Variants in FRMD3 observed in about 807,000 individuals in gnomAD.
The protein encoded by FRMD3 is FERM domain-containing protein 3.
Under a neutral mutation model 70.2 loss-of-function variants are expected in FRMD3, and 33 were observed. That is an observed-to-expected ratio of 0.47 (90% CI 0.36 to 0.63). The LOEUF is 0.63. Among genes scored for constraint, FRMD3 ranks in the 20% least tolerant of loss-of-function variants. FRMD3 has a pLI of 0.00. For missense variants in FRMD3, 632 were observed against 711.4 expected, an observed-to-expected ratio of 0.89 and a Z score of 1.27; for synonymous variants, 279 against 255.9, an observed-to-expected ratio of 1.09 and a Z score of -0.86.
At chr9:83,284,072 T>TA (rs1563993925) in intron 13 of FRMD3, among the ~76,000 whole-genome samples, 1 of 150,250 alleles carries the variant, frequency 6.7e-6, no homozygotes, top group African/African-American at 2.4e-5. Flanking sequence ...TTTTTTTTTT[T>TA]TTTTTTTTTT....
chr9:83,477,064 T>C (rs768186510), intron 1 of FRMD3, among the ~76,000 whole-genome samples: 4 of 152,184 alleles, frequency 2.6e-5, no homozygotes, highest in Non-Finnish European at 4.4e-5. Flanking sequence ...ATCAACTCAA[T>C]GGTTATGAGT....
At chr9:83,268,689 A>G (rs965140011) in intron 13 of FRMD3, among the ~76,000 whole-genome samples, 3 of 152,252 alleles carry the variant, frequency 2.0e-5, no homozygotes, top group African/African-American at 4.8e-5. Flanking sequence ...AAGACCAGAC[A>G]GTAAATCCCA....
At chr9:83,256,157 T>C (rs1377663945) in intron 13 of FRMD3, among the ~76,000 whole-genome samples, 2 of 152,122 alleles carry the variant, frequency 1.3e-5, no homozygotes, top group African/African-American at 4.8e-5. Flanking sequence ...AGCATAGTAA[T>C]GGTATAAAAA....
chr9:83,310,398 C>T lies in FRMD3; in HGVS notation c.837+87G>A, dbSNP rs552269036. 7.1e-4 allele frequency: 741 copies of T among 1,049,240 alleles called. 3 individuals carry two copies. The highest frequency in any genetic ancestry group is 2.0e-3 in the Middle Eastern group (10 of 4,918). The allele number at this position is 1,049,240 out of a possible 1,614,324, so 65.0% of individuals were successfully genotyped here. A position where few individuals can be genotyped will look rare whatever the true frequency, so the allele number is the denominator to read the frequency against. On this transcript the variant is annotated intron_variant, in intron 9 of 13. Coordinates refer to ENST00000304195, the MANE Select transcript of FRMD3 (RefSeq NM_174938.6). ...TACACTTCAAAGTCATGGTCTTTGG[C>T]GACTACAATACTAAAGGCATATTTT...
Position 83,443,621 on chromosome 9 carries a change from A to G in FRMD3, c.148-53913T>C, listed in dbSNP as rs184246255. ...AACATACATGTGCATGTGTCTTTAT[A>G]GTAGCATGATTTATAATCCTTTGGG... On this transcript the variant is annotated intron_variant, in intron 1 of 13. Transcript: ENST00000304195. Among the ~76,000 whole-genome samples the G allele has an allele frequency of 1.3e-3, 203 of 152,320 alleles. 1 individual carries two copies. The highest frequency in any genetic ancestry group is 3.3e-3 in the Admixed American group (50 of 15,294).
chr9:83,403,076 G>GTATTTTTAGTAGAGACGGGGTTTCATCA (rs1825998463), intron 1 of FRMD3, among the ~76,000 whole-genome samples: 1 of 151,642 alleles, frequency 6.6e-6, no homozygotes, highest in South Asian at 2.1e-4. Flanking sequence ...GATAATTTTT[G>GTATTTTTAGTAGAGACGGGGTTTCATCA]TATTTTTAGT....
intron 6 of FRMD3, among the ~76,000 whole-genome samples, chr9:83,329,829 T>C (rs1471382918): frequency 1.3e-5 from 2 of 152,196 alleles, no homozygotes; most frequent in African/African-American, 4.8e-5. Flanking sequence ...TTAATGCAAA[T>C]GTCTCTGTCT....
At chr9:83,315,058 T>A (rs1219712955) in intron 6 of FRMD3, among the ~76,000 whole-genome samples, 1 of 152,222 alleles carries the variant, frequency 6.6e-6, no homozygotes, top group Non-Finnish European at 1.5e-5. Context: ...ATATGTTTTT[T>A]TTTTAAATAT....
chr9:83,484,978 T>G (rs1050266526), intron 1 of FRMD3, among the ~76,000 whole-genome samples: 1 of 152,230 alleles, frequency 6.6e-6, no homozygotes, highest in African/African-American at 2.4e-5. Flanking sequence ...AACATGTCAA[T>G]GCCTTAGCTT....
intron 1 of FRMD3, among the ~76,000 whole-genome samples, chr9:83,502,736 G>A (rs973921283): frequency 1.3e-5 from 2 of 152,014 alleles, no homozygotes; most frequent in South Asian, 2.1e-4. Context: ...TGAAAATCTC[G>A]GCCCTCATAA....
chr9:83,254,646 G>GA (rs1377570993), intron 13 of FRMD3, among the ~76,000 whole-genome samples: 4 of 151,762 alleles, frequency 2.6e-5, no homozygotes, highest in African/African-American at 7.3e-5. Context: ...GACTAATAAA[G>GA]AAAAAATAGA....
the FRMD3 span, among the ~76,000 whole-genome samples, chr9:83,558,864 T>C: frequency 6.6e-6 from 1 of 152,148 alleles, no homozygotes; most frequent in Non-Finnish European, 1.5e-5. Context: ...ACTGCATGTG[T>C]GGAGGAAATA....
intron 1 of FRMD3, among the ~76,000 whole-genome samples, chr9:83,441,131 C>T (rs1269600023): frequency 6.6e-6 from 1 of 152,168 alleles, no homozygotes; most frequent in Non-Finnish European, 1.5e-5. Flanking sequence ...ACATTACAGC[C>T]CGAACAAGAA....
chr9:83,331,203 G>C (rs903439230), intron 6 of FRMD3, among the ~76,000 whole-genome samples: 8 of 152,206 alleles, frequency 5.3e-5, no homozygotes, highest in Non-Finnish European at 4.4e-5. Context: ...AAGCAACCAA[G>C]ATGTCTTTCA....
Position 83,343,188 on chromosome 9 carries a change from A to G in FRMD3, c.472+2T>C. On this transcript the variant is annotated splice_donor_variant, in intron 5 of 13. Coordinates refer to ENST00000304195, the MANE Select transcript of FRMD3 (RefSeq NM_174938.6). LOFTEE classifies it high-confidence loss of function. ...GCGTGGGTGAGCTGTGGCCAGACTT[A>G]CCTTGAACAATACAGGCACCCAGGT... 3 of 1,608,876 alleles carry G rather than the reference A, an allele frequency of 1.9e-6. No homozygotes were observed. The highest frequency in any genetic ancestry group is 2.6e-6 in the Non-Finnish European group (3 of 1,175,284).
At chr9:83,568,716 C>A in the FRMD3 span, among the ~76,000 whole-genome samples, 1 of 151,854 alleles carries the variant, frequency 6.6e-6, no homozygotes. Context: ...AGGTTTACTG[C>A]AATTAAGATT....
intron 10 of FRMD3, among the ~76,000 whole-genome samples, chr9:83,306,508 G>T (rs1587704707): frequency 6.6e-6 from 1 of 152,160 alleles, no homozygotes; most frequent in Admixed American, 6.5e-5. Flanking sequence ...GAGCTTGGAT[G>T]TCCTTCCTCC....
chr9:83,573,275 G>C, the FRMD3 span, among the ~76,000 whole-genome samples: 32 of 151,646 alleles, frequency 2.1e-4, no homozygotes, highest in Non-Finnish European at 4.4e-5. Context: ...AGATGGTGGA[G>C]AAGGAGGAGA....
At chr9:83,251,506 C>T (rs1468909750) in intron 13 of FRMD3, among the ~76,000 whole-genome samples, 4 of 152,156 alleles carry the variant, frequency 2.6e-5, no homozygotes, top group African/African-American at 9.7e-5. Context: ...CAGAACTGGG[C>T]TAAGGCTGAG....
Sources: gnomAD v4.1 joint callset for allele counts (sites outside exome capture counted in the v4.1 genomes callset) on GRCh38, gnomAD v4.1.1 for gene constraint, MANE v1.5 for transcripts, NCBI Gene and HGNC (gene_info 2026-07-23, HGNC 2026-07-21) for gene names.